The following ARID4A variants were observed in gnomAD, a reference collection of about 807,000 sequenced individuals.
ARID4A encodes the protein AT-rich interactive domain-containing protein 4A.
Under a neutral mutation model 148.6 loss-of-function variants are expected in ARID4A, and 39 were observed. The observed-to-expected ratio is 0.26, with a 90% CI of 0.20 to 0.34. The LOEUF is 0.34. ARID4A is among the 10% of genes least tolerant of loss of function. ARID4A has a pLI of 1.00. For missense variants in ARID4A, 1,265 were observed against 1,449.1 expected, an observed-to-expected ratio of 0.87 and a Z score of 2.06; for synonymous variants, 475 against 481.2, an observed-to-expected ratio of 0.99 and a Z score of 0.17.
intron 9 of ARID4A, among the ~76,000 whole-genome samples, chr14:58,329,022 C>G (rs1364657855): frequency 6.6e-6 from 1 of 151,504 alleles, no homozygotes; most frequent in East Asian, 1.9e-4. Flanking sequence ...CTTACAGAAA[C>G]TTTTTCCTAA....
At position 58,364,921 on chromosome 14, in the gene ARID4A, A is replaced by T. The variant is rs1566725268; in HGVS notation, c.2832A>T (p.Glu944Asp). The change falls in exon 20 of 24, where the codon GAA becomes GAT. Residue 944 changes from glutamate to aspartate, a missense_variant. Glu to Asp is a conservative substitution (Grantham distance 45, BLOSUM62 2). This residue lies in a region of ARID4A where 666 missense variants were observed against 730.9 expected (regional missense o/e 0.91). Transcript: ENST00000355431. ...AEETVNIPLKEDEDAMPLIGP... is the reference protein window; with the variant it reads ...AEETVNIPLKDDEDAMPLIGP... ...AAACTGTAAATATTCCACTAAAAGA[A>T]GATGAGGATGCAATGCCTCTGATCG... 2.5e-6 allele frequency: 4 copies of T among 1,614,198 alleles called. No homozygotes were observed. Among genetic ancestry groups the T allele is most frequent in the Non-Finnish European group, 3.4e-6 (4 of 1,180,012 alleles).
chr14:58,342,437 C>G (rs958570832), intron 11 of ARID4A, among the ~76,000 whole-genome samples: 8 of 152,118 alleles, frequency 5.3e-5, no homozygotes, highest in African/African-American at 1.4e-4. Context: ...CAAATTTTAT[C>G]TATAAAAATA....
chr14:58,321,005 T>C (rs979399164), intron 7 of ARID4A, among the ~76,000 whole-genome samples: 2 of 152,204 alleles, frequency 1.3e-5, no homozygotes, highest in Non-Finnish European at 2.9e-5. Context: ...AGGTTATATA[T>C]TATACTCCAT....
chr14:58,353,691 A>G lies in ARID4A; in HGVS notation c.1689A>G (p.Gly563=). 6.2e-7 allele frequency: 1 copy of G among 1,614,080 alleles called. No individual in the cohort carries two copies. The highest frequency in any genetic ancestry group is 8.5e-7 in the Non-Finnish European group (1 of 1,179,984). Residue 563 remains glycine, a synonymous_variant, in exon 17 of 24, where the codon GGA becomes GGG. Transcript: ENST00000355431. ...EETESKCDSE[G]EEDEEDMEPC... ...CTGAAAGCAAATGTGACTCTGAAGG[A>G]GAGGAAGATGAGGAAGACATGGAAC...
Position 58,351,297 on chromosome 14 carries a change from TGAAGAG to T in ARID4A, c.1636_1641del (p.Glu546_Glu547del), listed in dbSNP as rs751463326. The T allele has an allele frequency of 1.8e-5, 29 of 1,602,834 alleles. No homozygotes were observed. In the Admixed American group the frequency reaches 3.7e-4, roughly 20 times the overall value. ...AGGAGGATTCTGACAAAGACTCAGATGAAGAGGAAGAGAAAAGCCAAGAGAGGTACA... is the reference window on the plus strand; with the variant it reads ...AGGAGGATTCTGACAAAGACTCAGATGAAGAGAAAAGCCAAGAGAGGTACA... On this transcript the variant is annotated inframe_deletion, in exon 16 of 24. Coordinates refer to ENST00000355431, the MANE Select transcript of ARID4A (RefSeq NM_002892.4).
intron 18 of ARID4A, among the ~76,000 whole-genome samples, chr14:58,359,511 T>C (rs954968036): frequency 6.6e-6 from 1 of 152,110 alleles, no homozygotes; most frequent in Non-Finnish European, 1.5e-5. Flanking sequence ...TCTGTAGGTT[T>C]TGACAAATAT....
chr14:58,332,008 C>A lies in ARID4A; in HGVS notation c.906+1839C>A, dbSNP rs868159767. ...TGCATTTTCCCTACCCCCCCCCCCCCAAAAAACCCTGAAATTTTAAACAAA... is the reference window on the plus strand; with the variant it reads ...TGCATTTTCCCTACCCCCCCCCCCCAAAAAAACCCTGAAATTTTAAACAAA... On this transcript the variant is annotated intron_variant, in intron 11 of 23. Transcript: ENST00000355431. Among the ~76,000 whole-genome samples, 333 of 98,798 alleles carry A rather than the reference C, an allele frequency of 3.4e-3. 4 individuals are homozygous for A. The highest frequency in any genetic ancestry group is 0.012 in the Middle Eastern group (2 of 162). 64.8% of individuals were successfully genotyped at this position (98,798 alleles called of 152,430 possible).
intron 23 of ARID4A, among the ~76,000 whole-genome samples, chr14:58,367,404 G>C (rs943568340): frequency 3.3e-5 from 5 of 152,232 alleles, no homozygotes; most frequent in African/African-American, 1.2e-4. Context: ...AGATTATCTT[G>C]TTGGGATTAT....
chr14:58,326,126 A>G (rs2033195245), intron 8 of ARID4A, among the ~76,000 whole-genome samples: 1 of 152,192 alleles, frequency 6.6e-6, no homozygotes, highest in African/African-American at 2.4e-5. Context: ...TAAAGATAGT[A>G]GGCAAAGCTT....
intron 11 of ARID4A, among the ~76,000 whole-genome samples, chr14:58,340,559 A>C (rs774520051): frequency 7.9e-5 from 12 of 152,202 alleles, no homozygotes; most frequent in Non-Finnish European, 1.8e-4. Context: ...CGTGTTGCCC[A>C]GGCTGGTCTT....
At chr14:58,365,672 G>T (rs767961973) in intron 21 of ARID4A, 50 bp downstream of exon 21, 6 of 1,496,302 alleles carry the variant, frequency 4.0e-6, no homozygotes, top group Middle Eastern at 1.7e-4. Flanking sequence ...ATTTTTAGCA[G>T]TTTGTTGGCT....
rs757363493 is a variant in ARID4A, at chr14:58,346,465, A to G, written c.1034A>G (p.Lys345Arg). The change falls in exon 13 of 24, where the codon AAA becomes AGA. Residue 345 changes from lysine to arginine, a missense_variant. By Grantham distance (26) the Lys-to-Arg change is conservative. This residue lies in a region of ARID4A where 249 missense variants were observed against 277.2 expected (regional missense o/e 0.90). Transcript: ENST00000355431. ...GGCTATAAAGATCTCAATCTCTTCA[A>G]ACTCTTCAGACTGGTTTATCATCAG... ...VLGYKDLNLF[K>R]LFRLVYHQGG... The G allele has an allele frequency of 1.7e-5, 27 of 1,610,700 alleles. No homozygotes were observed. Among genetic ancestry groups the G allele is most frequent in the African/African-American group, 1.5e-4 (11 of 74,728 alleles).
In ARID4A at chr14:58,366,221, T is replaced by C; in HGVS notation, c.3514T>C (p.Phe1172Leu). 1 of 1,612,342 alleles carries C rather than the reference T, an allele frequency of 6.2e-7. No homozygotes were observed. The highest frequency in any genetic ancestry group is 8.5e-7 in the Non-Finnish European group (1 of 1,178,616). ...NSSPRTYKWS[F>L]QLNELDNMNS... is the part of the protein sequence containing the mutation. ...ATCCCCTAGGACATATAAATGGAGC[T>C]TTCAGCTCAGTAAGAAGCTTATAGA... is the stretch of plus-strand genomic sequence containing the variant. The change falls in exon 22 of 24, where the codon TTT becomes CTT. Residue 1172 changes from phenylalanine (F) to leucine (L), a missense_variant. Physicochemically the swap from Phe to Leu is conservative, Grantham distance 22. Transcript: ENST00000355431.
In ARID4A at chr14:58,364,334, A is replaced by G. The variant is rs1594965367; in HGVS notation, c.2245A>G (p.Arg749Gly). 1 of 1,576,890 alleles carries G rather than the reference A, an allele frequency of 6.3e-7. No individual in the cohort carries two copies. The highest frequency in any genetic ancestry group is 8.5e-7 in the Non-Finnish European group (1 of 1,169,938). The change falls in exon 20 of 24, where the codon AGG becomes GGG. Residue 749 changes from arginine to glycine, a missense_variant. Arg to Gly is a moderately radical substitution (Grantham distance 125, BLOSUM62 -2). Transcript: ENST00000355431. Reference sequence around the variant, plus strand: ...TGCACATATATTAAAAGAAAATGATAGGACTCAAATGCAGCCTTTAGAAAC... The same window carrying G: ...TGCACATATATTAAAAGAAAATGATGGGACTCAAATGCAGCCTTTAGAAAC... Reference protein sequence around the residue: ...ISAHILKENDRTQMQPLETLK... With the variant: ...ISAHILKENDGTQMQPLETLK...
At chr14:58,323,769 A>G (rs181406528) in intron 8 of ARID4A, 152 bp downstream of exon 8, 227 of 635,148 alleles carry the variant, frequency 3.6e-4, no homozygotes, top group South Asian at 1.3e-3. Context: ...CAGGTCCATA[A>G]TACTTCACTG....
At chr14:58,309,227 C>T (rs778185943) in intron 5 of ARID4A, among the ~76,000 whole-genome samples, 5 of 152,174 alleles carry the variant, frequency 3.3e-5, no homozygotes, top group Admixed American at 6.5e-5. Context: ...GCAGTCTTAC[C>T]GCCTTAGCCT....
At chr14:58,350,843 CAG>C (rs1404760238) in intron 15 of ARID4A, among the ~76,000 whole-genome samples, 15 of 151,930 alleles carry the variant, frequency 9.9e-5, no homozygotes, top group African/African-American at 3.6e-4. Context: ...CAGATTCTGA[CAG>C]ATATTTCTTA....
chr14:58,341,443 C>G (rs1271240123), intron 11 of ARID4A, among the ~76,000 whole-genome samples: 1 of 152,244 alleles, frequency 6.6e-6, no homozygotes, highest in Non-Finnish European at 1.5e-5. Flanking sequence ...AATACTACCA[C>G]TGCCAGTTCA....
chr14:58,305,979 ATTTG>A (rs1186739275), intron 4 of ARID4A, 39 bp from the exon 5 acceptor site: 1 of 1,446,768 alleles, frequency 6.9e-7, no homozygotes, highest in Non-Finnish European at 9.7e-7. Context: ...GATTTGGTTT[ATTTG>A]TTTAAATTTG....
Sources: allele counts gnomAD v4.1 joint callset (sites outside exome capture counted in the v4.1 genomes callset), GRCh38; gene constraint gnomAD v4.1.1; regional missense constraint gnomAD v4.1.1; transcripts MANE v1.5; gene names NCBI Gene and HGNC (gene_info 2026-07-23, HGNC 2026-07-21).